The following STK36 variants were observed in gnomAD, a reference collection of about 807,000 sequenced individuals.
The protein encoded by STK36 is serine/threonine-protein kinase 36.
Under a neutral mutation model 142.2 loss-of-function variants are expected in STK36, and 116 were observed. The ratio of observed to expected loss-of-function variants is 0.82; its 90% CI spans 0.70 to 0.95. The LOEUF is 0.95. Ranked by LOEUF, STK36 falls within the 40% of genes least tolerant of loss-of-function variation. The pLI is 0.00. For synonymous variants in STK36, 619 were observed against 641.7 expected (o/e 0.96, Z 0.53); for missense variants, 1,422 against 1,617.2 (o/e 0.88, Z 2.07).
intron 7 of STK36, 139 bp from the exon 8 acceptor site, chr2:218,679,421 C>G: frequency 1.5e-6 from 2 of 1,303,116 alleles, no homozygotes; most frequent in South Asian, 1.4e-5. Context: ...ACTTCCCTTA[C>G]AACCCACTCT....
At chr2:218,673,088 T>C in intron 2 of STK36, 175 bp downstream of exon 2, 1 of 553,822 alleles carries the variant, frequency 1.8e-6, no homozygotes, top group Non-Finnish European at 3.2e-6. Context: ...AAATTCCATC[T>C]CCACCGCTTT....
At position 218,672,858 on chromosome 2, in the gene STK36, T is replaced by C; in HGVS notation, c.29T>C (p.Ile10Thr). 1.2e-6 allele frequency: 2 copies of C among 1,614,062 alleles called. No homozygotes were observed. The highest frequency in any genetic ancestry group is 2.7e-5 in the African/African-American group (2 of 75,010). Reference protein sequence around the residue: MEKYHVLEMIGEGSFGRVYK... With the variant: MEKYHVLEMTGEGSFGRVYK... Reference sequence around the variant, plus strand: ...GAAAAGTACCACGTGTTGGAGATGATTGGAGAAGGCTCTTTTGGGAGGGTG... The same window carrying C: ...GAAAAGTACCACGTGTTGGAGATGACTGGAGAAGGCTCTTTTGGGAGGGTG... The change falls in exon 2 of 27, where the codon ATT (isoleucine) becomes ACT (threonine). Residue 10 changes from isoleucine (I) to threonine (T), a missense_variant. Transcript: ENST00000295709.
At chr2:218,696,807 G>C (rs541323625) in intron 22 of STK36, 32 of 891,414 alleles carry the variant, frequency 3.6e-5, no homozygotes, top group Non-Finnish European at 5.8e-5. Context: ...GATCCAGTGG[G>C]AGATAAAATG....
chr2:218,673,079 A>C, intron 2 of STK36, 166 bp downstream of exon 2: 2 of 561,708 alleles, frequency 3.6e-6, no homozygotes, highest in Non-Finnish European at 6.2e-6. Flanking sequence ...TTTGGGTGCA[A>C]ATTCCATCTC....
At chr2:218,685,935 C>T (rs1231216502) in intron 11 of STK36, among the ~76,000 whole-genome samples, 1 of 151,962 alleles carries the variant, frequency 6.6e-6, no homozygotes, top group Non-Finnish European at 1.5e-5. Context: ...ATCCCTCATA[C>T]CCATTTACGG....
Position 218,693,815 on chromosome 2 carries a change from G to T in STK36, c.2241G>T (p.Gln747His). 6.2e-7 allele frequency: 1 copy of T among 1,614,172 alleles called. No homozygotes were observed. Among genetic ancestry groups the T allele is most frequent in the Non-Finnish European group, 8.5e-7 (1 of 1,180,052 alleles). ...LALESLFMLI[Q>H]GKVKVVDWEE... ...TGGAATCCCTGTTTATGTTGATTCA[G>T]GGCAAGGTAAGCCAGCTTCCCCTGG... Residue 747 changes from glutamine (Q) to histidine (H), a missense_variant, in exon 18 of 27, where the codon CAG becomes CAT. Transcript: ENST00000295709.
intron 6 of STK36, 136 bp from the exon 7 acceptor site, chr2:218,679,030 GTT>G: frequency 5.1e-6 from 4 of 792,064 alleles, no homozygotes. Context: ...CCTGAACAAA[GTT>G]TTTAGAGGGC....
rs1356938871 is a variant in STK36, at chr2:218,693,093, C to T, written c.2044-147C>T. On this transcript the variant is annotated intron_variant, in intron 16 of 26. Transcript: ENST00000295709. ...TTTGGTTCTCTATTGGTGATGAAGA[C>T]TGGGAATAGAATGGGGTCTGAGGTT... 1.4e-5 allele frequency: 10 copies of T among 708,928 alleles called. No individual in the cohort carries two copies. In the East Asian group the frequency reaches 2.8e-4, roughly 20 times the overall value. 43.9% of individuals were successfully genotyped at this position (708,928 alleles called of 1,614,324 possible).
chr2:218,696,447 C>A, intron 21 of STK36, 80 bp from the exon 22 acceptor site: 1 of 1,218,814 alleles, frequency 8.2e-7, no homozygotes, highest in Non-Finnish European at 1.2e-6. Context: ...CCCTCCATGG[C>A]ACCATCACTG....
chr2:218,692,382 C>T (rs1941038376), intron 15 of STK36, 89 bp downstream of exon 15: 2 of 1,555,388 alleles, frequency 1.3e-6, no homozygotes, highest in Non-Finnish European at 1.7e-6. Flanking sequence ...CTAGATCGCA[C>T]CTGGCATTTA....
chr2:218,672,271 A>ATTAT (rs1940013453), intron 1 of STK36, 56 bp downstream of exon 1: 2 of 507,058 alleles, frequency 3.9e-6, no homozygotes, highest in Admixed American at 3.4e-5. Flanking sequence ...AAGAATTATA[A>ATTAT]GTCAGGCAAC....
chr2:218,678,940 T>C (rs1026288632), intron 6 of STK36, among the ~76,000 whole-genome samples: 3 of 152,214 alleles, frequency 2.0e-5, no homozygotes. Context: ...GAATACAAAA[T>C]GTCTGTGAAC....
intron 16 of STK36, among the ~76,000 whole-genome samples, chr2:218,693,007 T>C (rs1050918622): frequency 6.6e-6 from 1 of 152,194 alleles, no homozygotes; most frequent in Non-Finnish European, 1.5e-5. Context: ...TCCTGATCCC[T>C]GTTGGTCGGT....
At chr2:218,693,593 G>C (rs1235368087) in intron 17 of STK36, 130 bp from the exon 18 acceptor site, 1 of 903,524 alleles carries the variant, frequency 1.1e-6, no homozygotes, top group African/African-American at 1.7e-5. Flanking sequence ...AGGCAGAAGG[G>C]GGTTCTCTCA....
rs1233050647 is a variant in STK36, at chr2:218,697,904, T to A, written c.2960T>A (p.Leu987His). The A allele has an allele frequency of 9.9e-6, 16 of 1,614,044 alleles. No homozygotes were observed. Among genetic ancestry groups the A allele is most frequent in the Non-Finnish European group, 1.4e-5 (16 of 1,180,040 alleles). ...LPVVVLSVCQLLCFPFALDMD... is the reference protein window; with the variant it reads ...LPVVVLSVCQHLCFPFALDMD... ...GTCGTGGTGCTCTCTGTCTGCCAGCTCCTTTGCTTCCCCTTTGCGCTGGAC... is the reference window on the plus strand; with the variant it reads ...GTCGTGGTGCTCTCTGTCTGCCAGCACCTTTGCTTCCCCTTTGCGCTGGAC... Residue 987 changes from leucine to histidine, a missense_variant, in exon 25 of 27, where the codon CTC (leucine) becomes CAC (histidine). This residue lies in a region of STK36 where 962 missense variants were observed against 1,167.5 expected (regional missense o/e 0.82). Coordinates refer to ENST00000295709, the MANE Select transcript of STK36 (RefSeq NM_015690.5).
intron 1 of STK36, chr2:218,672,489 T>C: frequency 3.1e-6 from 1 of 323,114 alleles, no homozygotes; most frequent in Non-Finnish European, 5.9e-6. Context: ...TGGGCGAGGC[T>C]AGGTTGAAAG....
In STK36 at chr2:218,698,741, T is replaced by A; in HGVS notation, c.3197T>A (p.Leu1066His). 1 of 1,614,194 alleles carries A rather than the reference T, an allele frequency of 6.2e-7. No individual in the cohort carries two copies. Among genetic ancestry groups the A allele is most frequent in the Non-Finnish European group, 8.5e-7 (1 of 1,180,038 alleles). Residue 1066 changes from leucine to histidine, a missense_variant, in exon 26 of 27, where the codon CTC becomes CAC. Physicochemically the swap from Leu to His is moderately conservative, Grantham distance 99. Coordinates refer to ENST00000295709, the MANE Select transcript of STK36 (RefSeq NM_015690.5). ...TCCCCTAGAACCATCGTCTCGTTTCTCTCAGTTGCCCTCCTGAGTGACCAG... is the reference window on the plus strand; with the variant it reads ...TCCCCTAGAACCATCGTCTCGTTTCACTCAGTTGCCCTCCTGAGTGACCAG... ...SASPRTIVSF[L>H]SVALLSDQPL... is the part of the protein sequence containing the mutation.
chr2:218,692,207 C>G lies in STK36; in HGVS notation c.1829C>G (p.Ser610Cys). The change falls in exon 15 of 27, where the codon TCC (serine) becomes TGC (cysteine). Residue 610 changes from serine to cysteine, a missense_variant. Physicochemically the swap from Ser to Cys is moderately radical, Grantham distance 112 (BLOSUM62 -1). Coordinates refer to ENST00000295709, the MANE Select transcript of STK36 (RefSeq NM_015690.5). ...NSRAISKAFY[S>C]SLLTTQQVVL... ...CGGGCCATCTCCAAAGCCTTTTACT[C>G]CAGCTTGCTGACGACACAGCAGGTT... is the stretch of plus-strand genomic sequence containing the variant. The G allele has an allele frequency of 6.2e-7, 1 of 1,614,232 alleles. No homozygotes were observed. The highest frequency in any genetic ancestry group is 8.5e-7 in the Non-Finnish European group (1 of 1,180,048).
At chr2:218,677,020 G>A (rs1940283938) in intron 6 of STK36, among the ~76,000 whole-genome samples, 1 of 151,982 alleles carries the variant, frequency 6.6e-6, no homozygotes, top group South Asian at 2.1e-4. Context: ...CGCAACCTCT[G>A]CTTCCCAGGT....
Sources: allele counts gnomAD v4.1 joint callset (sites outside exome capture counted in the v4.1 genomes callset), GRCh38; gene constraint gnomAD v4.1.1; regional missense constraint gnomAD v4.1.1; transcripts MANE v1.5; gene names NCBI Gene and HGNC (gene_info 2026-07-23, HGNC 2026-07-21).